The following PIK3C3 variants were observed in gnomAD, a reference collection of about 807,000 sequenced individuals.
PIK3C3 encodes the protein phosphatidylinositol 3-kinase catalytic subunit type 3.
In PIK3C3, 95 loss-of-function variants were observed where a neutral mutation model predicts 126.1. That is an observed-to-expected ratio of 0.75 (90% CI 0.64 to 0.89). The LOEUF is 0.89. Ranked by LOEUF, PIK3C3 falls within the 40% of genes least tolerant of loss-of-function variation. PIK3C3 has a pLI of 0.00. For missense variants in PIK3C3, 829 were observed against 1,063.2 expected, an observed-to-expected ratio of 0.78 and a Z score of 3.06; for synonymous variants, 374 against 360.0, an observed-to-expected ratio of 1.04 and a Z score of -0.44.
intron 17 of PIK3C3, 28 bp downstream of exon 17, chr18:42,037,848 A>T (rs745516609): frequency 1.3e-6 from 2 of 1,584,366 alleles, no homozygotes; most frequent in Non-Finnish European, 1.7e-6. Flanking sequence ...TTGGTGGGGA[A>T]CATTTTTTTC....
chr18:42,014,207 C>CAAAA (rs58086258), intron 11 of PIK3C3, among the ~76,000 whole-genome samples: 73 of 40,592 alleles, frequency 1.8e-3, no homozygotes, highest in Non-Finnish European at 2.4e-3. Flanking sequence ...GACTCCGTCT[C>CAAAA]AAAAAAAAAA....
intron 20 of PIK3C3, among the ~76,000 whole-genome samples, chr18:42,046,749 T>C (rs1984575480): frequency 6.6e-6 from 1 of 152,118 alleles, no homozygotes; most frequent in African/African-American, 2.4e-5. Flanking sequence ...CTCAAATGTT[T>C]TGTTGTTATT....
chr18:42,020,821 A>G (rs1033073166), intron 13 of PIK3C3, 116 bp downstream of exon 13: 21 of 635,670 alleles, frequency 3.3e-5, no homozygotes, highest in Non-Finnish European at 5.5e-5. Flanking sequence ...AAAAGTCTAG[A>G]TATAGTATTT....
chr18:41,987,637 C>CTTT (rs1003885820), intron 4 of PIK3C3, among the ~76,000 whole-genome samples, 175 bp from the exon 5 acceptor site: 7 of 152,008 alleles, frequency 4.6e-5, no homozygotes, highest in African/African-American at 1.7e-4. Context: ...AATTGTTTTT[C>CTTT]TTTAAAAAAT....
intron 20 of PIK3C3, among the ~76,000 whole-genome samples, chr18:42,048,278 C>T (rs1265853741): frequency 6.6e-6 from 1 of 152,194 alleles, no homozygotes; most frequent in Non-Finnish European, 1.5e-5. Flanking sequence ...CTCTGTGTTT[C>T]TCTGTGATTC....
chr18:41,975,820 C>T (rs903342258), intron 4 of PIK3C3, among the ~76,000 whole-genome samples: 1 of 151,904 alleles, frequency 6.6e-6, no homozygotes, highest in African/African-American at 2.4e-5. Flanking sequence ...CTGCCTCAGC[C>T]TCCCAGGTAG....
intron 3 of PIK3C3, among the ~76,000 whole-genome samples, chr18:41,964,532 A>G (rs1284619758): frequency 6.6e-6 from 1 of 152,092 alleles, no homozygotes; most frequent in African/African-American, 2.4e-5. Flanking sequence ...TCATATATTT[A>G]TGTATTGAAT....
intron 24 of PIK3C3, among the ~76,000 whole-genome samples, chr18:42,068,505 C>T (rs577047099): frequency 1.3e-5 from 2 of 152,174 alleles, no homozygotes; most frequent in African/African-American, 4.8e-5. Flanking sequence ...CCTCCAAGAG[C>T]TCTTAATGCT....
chr18:42,014,253 CG>C (rs1555634699), intron 11 of PIK3C3, among the ~76,000 whole-genome samples: 12 of 146,972 alleles, frequency 8.2e-5, no homozygotes, highest in Non-Finnish European at 3.0e-5. Context: ...AATAGAAGGA[CG>C]GAGCATGCTA....
intron 4 of PIK3C3, among the ~76,000 whole-genome samples, chr18:41,984,044 A>G (rs537942464): frequency 1.3e-5 from 2 of 151,210 alleles, no homozygotes; most frequent in Non-Finnish European, 2.9e-5. Flanking sequence ...CTTTAAAAAG[A>G]GAGAATGAAT....
chr18:41,999,656 A>G (rs759756852), intron 9 of PIK3C3, among the ~76,000 whole-genome samples: 5 of 152,172 alleles, frequency 3.3e-5, no homozygotes, highest in Non-Finnish European at 5.9e-5. Context: ...TGGGGTAAGG[A>G]TATTTACACA....
At chr18:42,039,134 C>CA (rs1984193176) in intron 18 of PIK3C3, among the ~76,000 whole-genome samples, 1 of 152,116 alleles carries the variant, frequency 6.6e-6, no homozygotes, top group Non-Finnish European at 1.5e-5. Context: ...CACACCCTCA[C>CA]ACACACAAAC....
At chr18:41,963,131 A>T (rs1980181489) in intron 3 of PIK3C3, among the ~76,000 whole-genome samples, 1 of 152,110 alleles carries the variant, frequency 6.6e-6, no homozygotes, top group South Asian at 2.1e-4. Flanking sequence ...TTTTCTCTAT[A>T]TCGTTTTTCT....
intron 4 of PIK3C3, among the ~76,000 whole-genome samples, chr18:41,977,302 C>T (rs1200229235): frequency 6.6e-6 from 1 of 151,908 alleles, no homozygotes; most frequent in African/African-American, 2.4e-5. Context: ...CCTCAAAGGA[C>T]AAAGGCCTAG....
Position 42,020,634 on chromosome 18 carries a change from T to C in PIK3C3, c.1417-4T>C. On this transcript the variant is annotated splice_polypyrimidine_tract_variant and splice_region_variant and intron_variant, in intron 12 of 24. Transcript: ENST00000262039. Reference sequence around the variant, plus strand: ...ATATAATACATTTCTTTTAATTCTTTCAGCAAGATCTCTGTACCTTCTTGA... The same window carrying C: ...ATATAATACATTTCTTTTAATTCTTCCAGCAAGATCTCTGTACCTTCTTGA... The C allele has an allele frequency of 6.3e-7, 1 of 1,586,284 alleles. No individual in the cohort carries two copies. The highest frequency in any genetic ancestry group is 8.6e-7 in the Non-Finnish European group (1 of 1,160,008).
intron 13 of PIK3C3, among the ~76,000 whole-genome samples, chr18:42,021,431 A>G (rs1177284938): frequency 6.6e-6 from 1 of 152,080 alleles, no homozygotes; most frequent in Non-Finnish European, 1.5e-5. Flanking sequence ...AATCAGAAAT[A>G]TTTTGCTTCA....
intron 4 of PIK3C3, among the ~76,000 whole-genome samples, chr18:41,985,515 G>GT (rs1393265275): frequency 1.3e-5 from 2 of 152,072 alleles, no homozygotes; most frequent in African/African-American, 4.8e-5. Context: ...TATCTTTCCT[G>GT]TGAAGGCATA....
intron 15 of PIK3C3, among the ~76,000 whole-genome samples, chr18:42,030,341 G>T (rs542630554): frequency 1.3e-5 from 2 of 152,070 alleles, no homozygotes; most frequent in African/African-American, 4.8e-5. Flanking sequence ...AGTTCTTCAC[G>T]TGACATTTTT....
In PIK3C3 at chr18:42,029,418, G is replaced by A. The variant is rs1463795009; in HGVS notation, c.1684G>A (p.Glu562Lys). The change falls in exon 15 of 25, where the codon GAA (glutamate) becomes AAA (lysine). Residue 562 changes from glutamate to lysine, a missense_variant. Transcript: ENST00000262039. Reference sequence around the variant, plus strand: ...GCATCTAATGAAGGCAGTACAACGCGAAAGTGGAAATCGTAAGAAAAAGGT... The same window carrying A: ...GCATCTAATGAAGGCAGTACAACGCAAAAGTGGAAATCGTAAGAAAAAGGT... ...LVHLMKAVQR[E>K]SGNRKKKNER... 3.7e-6 allele frequency: 6 copies of A among 1,608,330 alleles called. No individual in the cohort carries two copies. Among genetic ancestry groups the A allele is most frequent in the African/African-American group, 1.3e-5 (1 of 74,746 alleles).
Sources: allele counts gnomAD v4.1 joint callset (sites outside exome capture counted in the v4.1 genomes callset), GRCh38; gene constraint gnomAD v4.1.1; transcripts MANE v1.5; gene names NCBI Gene and HGNC (gene_info 2026-07-23, HGNC 2026-07-21).